The following FAAH2 variants were observed in gnomAD, a reference collection of about 807,000 sequenced individuals.
The protein encoded by FAAH2 is fatty-acid amide hydrolase 2.
Under a neutral mutation model 36.9 loss-of-function variants are expected in FAAH2, and 60 were observed. The ratio of observed to expected loss-of-function variants is 1.63; its 90% CI spans 1.32 to 2.02. The LOEUF (loss-of-function observed/expected upper bound fraction) is 2.02, where lower values mean the gene tolerates loss of function less well. Ranked by LOEUF, FAAH2 falls within the 30% of genes most tolerant of loss-of-function variation. The pLI is 0.00. For synonymous variants in FAAH2, 214 were observed against 143.8 expected (o/e 1.49, Z -3.49); for missense variants, 689 against 397.5 (o/e 1.73, Z -6.23).
At chrX:57,394,302 G>A in intron 7 of FAAH2, 1 of 979,480 alleles carries the variant, frequency 1.0e-6, no homozygotes, top group Non-Finnish European at 1.5e-6. Context: ...CCTTCTCCCA[G>A]GGGTGTTGGA....
At chrX:57,135,750 A>G in the FAAH2 span, 3 of 1,167,526 alleles carry the variant, frequency 2.6e-6, no homozygotes, top group South Asian at 6.1e-5. Context: ...GTACACTGAA[A>G]GGCAACATTT....
chrX:57,225,435 G>A, the FAAH2 span, among the ~76,000 whole-genome samples: 1 of 111,882 alleles, frequency 8.9e-6, no homozygotes, highest in Non-Finnish European at 1.9e-5. Context: ...TAATTTCCAT[G>A]TATTTGCATG....
intron 2 of FAAH2, among the ~76,000 whole-genome samples, chrX:57,309,559 A>T (rs922072567): frequency 1.8e-5 from 2 of 111,536 alleles, no homozygotes. Context: ...CTATCAATCC[A>T]TCACCTAAGT....
chrX:57,214,429 TA>T, the FAAH2 span, among the ~76,000 whole-genome samples: 1 of 111,702 alleles, frequency 9.0e-6, no homozygotes, highest in Non-Finnish European at 1.9e-5. Flanking sequence ...CTGTTTTATT[TA>T]TTTTTTTTCT....
intron 10 of FAAH2, chrX:57,452,240 G>T (rs1447900609): frequency 4.8e-5 from 36 of 752,968 alleles, no homozygotes; most frequent in East Asian, 1.5e-4. Flanking sequence ...TTGGTGCCAG[G>T]AATGCTAAGC....
At chrX:57,125,311 T>C in the FAAH2 span, among the ~76,000 whole-genome samples, 3 of 112,661 alleles carry the variant, frequency 2.7e-5, no homozygotes, top group Admixed American at 1.9e-4. Context: ...TTACGTGTAT[T>C]GATTTGCATA....
At chrX:57,293,771 A>G (rs2052054614) in intron 2 of FAAH2, among the ~76,000 whole-genome samples, 1 of 111,072 alleles carries the variant, frequency 9.0e-6, no homozygotes, top group Non-Finnish European at 1.9e-5. Context: ...CCTGAGAGAA[A>G]ATCAAAATTT....
At chrX:57,156,506 T>C in the FAAH2 span, among the ~76,000 whole-genome samples, 2 of 111,695 alleles carry the variant, frequency 1.8e-5, no homozygotes, top group African/African-American at 6.5e-5. Flanking sequence ...TCTGGCCTTG[T>C]TCATACTGAA....
At chrX:57,151,494 A>G in the FAAH2 span, among the ~76,000 whole-genome samples, 8 of 110,386 alleles carry the variant, frequency 7.2e-5, no homozygotes, top group Non-Finnish European at 1.3e-4. Flanking sequence ...TTCCCTTCTC[A>G]CTTCATTTCA....
the FAAH2 span, among the ~76,000 whole-genome samples, chrX:57,243,550 G>A: frequency 8.9e-6 from 1 of 112,197 alleles, no homozygotes; most frequent in East Asian, 2.8e-4. Context: ...CCAGAGGAAG[G>A]AAAAGGCAGC....
intron 5 of FAAH2, among the ~76,000 whole-genome samples, chrX:57,348,646 A>T (rs2053896415): frequency 9.0e-6 from 1 of 111,363 alleles, no homozygotes; most frequent in Non-Finnish European, 1.9e-5. Context: ...ACTAACAAGC[A>T]TACCCAAACA....
intron 10 of FAAH2, among the ~76,000 whole-genome samples, chrX:57,481,518 G>T (rs7881091): frequency 1.8e-5 from 2 of 111,756 alleles, no homozygotes; most frequent in Non-Finnish European, 3.8e-5. Context: ...GGTCTGCTGC[G>T]GTTGCTGGAC....
the FAAH2 span, among the ~76,000 whole-genome samples, chrX:57,253,456 A>T: frequency 2.9e-4 from 32 of 111,712 alleles, no homozygotes; most frequent in Non-Finnish European, 5.3e-4. Context: ...CAACCCCAAG[A>T]CACATAATTG....
chrX:57,135,205 C>T, the FAAH2 span: 1 of 118,142 alleles, frequency 8.5e-6, no homozygotes, highest in African/African-American at 3.3e-5. Context: ...CCTTTAGCCT[C>T]TCCCAGATCC....
At chrX:57,446,867 T>G in intron 8 of FAAH2, 61 bp from the exon 9 acceptor site, 1 of 823,526 alleles carries the variant, frequency 1.2e-6, no homozygotes, top group Non-Finnish European at 1.8e-6. Context: ...TGTATAGGTG[T>G]TTTGGTCTTT....
intron 7 of FAAH2, among the ~76,000 whole-genome samples, chrX:57,421,689 G>A (rs1367814041): frequency 8.9e-6 from 1 of 111,782 alleles, no homozygotes; most frequent in Admixed American, 9.5e-5. Flanking sequence ...TTAGGGTTGC[G>A]ACATATAAAT....
At chrX:57,290,359 A>T in intron 1 of FAAH2, 3 of 623,855 alleles carry the variant, frequency 4.8e-6, no homozygotes, top group South Asian at 8.5e-5. Flanking sequence ...TATACACTAG[A>T]CTATTGAGTT....
At chrX:57,214,583 T>C in the FAAH2 span, among the ~76,000 whole-genome samples, 1 of 111,194 alleles carries the variant, frequency 9.0e-6, no homozygotes, top group Non-Finnish European at 1.9e-5. Flanking sequence ...CGTGCCATGA[T>C]GCCTGGCTAA....
At chrX:57,223,122 T>G in the FAAH2 span, among the ~76,000 whole-genome samples, 1 of 112,322 alleles carries the variant, frequency 8.9e-6, no homozygotes, top group East Asian at 2.8e-4. Context: ...CAAAAAACAC[T>G]CCTGCCATAA....
Sources: allele counts gnomAD v4.1 joint callset (sites outside exome capture counted in the v4.1 genomes callset), GRCh38; gene constraint gnomAD v4.1.1; transcripts MANE v1.5; gene names NCBI Gene and HGNC (gene_info 2026-07-23, HGNC 2026-07-21).